The following BRCA2 variants were observed in gnomAD, a reference collection of about 807,000 sequenced individuals.
BRCA2 encodes the protein BRCA2 DNA repair associated.
In BRCA2, 203 loss-of-function variants were observed where a neutral mutation model predicts 276.7. The ratio of observed to expected loss-of-function variants is 0.73; its 90% CI spans 0.65 to 0.82. The LOEUF (loss-of-function observed/expected upper bound fraction) is 0.82. BRCA2 is among the 40% of genes least tolerant of loss of function. The pLI is 0.00. For synonymous variants in BRCA2, 1,289 were observed against 1,338.4 expected (o/e 0.96, Z 0.81); for missense variants, 3,920 against 3,915.0 (o/e 1.00, Z -0.03).
rs1017181748 is a variant in BRCA2 at position 32,333,062 on chromosome 13, CTT to C, written c.1586_1587del (p.Phe529Ter). The C allele has an allele frequency of 6.2e-7, 1 of 1,610,052 alleles. No homozygotes were observed. The highest frequency in any genetic ancestry group is 8.5e-7 in the Non-Finnish European group (1 of 1,179,182). ...TTTCAGGTCATATGACTGATCCAAA[CTT>C]TAAAAAAGAAACTGAAGCCTCTGAA... ...SFSGHMTDPN[F>X]KKETEASESG... On this transcript the variant is annotated frameshift_variant, in exon 10 of 27. Transcript: ENST00000380152. LOFTEE classifies it high-confidence loss of function.
At chr13:32,331,070 G>T (rs2072388415) in intron 9 of BRCA2, 40 bp downstream of exon 9, 2 of 1,458,350 alleles carry the variant, frequency 1.4e-6, no homozygotes, top group Non-Finnish European at 1.9e-6. Context: ...TTTTTTTGTT[G>T]TTGTTGTTTT....
chr13:32,339,957 G>T lies in BRCA2; in HGVS notation c.5602G>T (p.Asp1868Tyr), dbSNP rs80358781. 6.2e-7 allele frequency: 1 copy of T among 1,609,578 alleles called. No homozygotes were observed. The highest frequency in any genetic ancestry group is 8.5e-7 in the Non-Finnish European group (1 of 1,178,158). ...TAAAAAAGTGAAAGACATATTTACA[G>T]ACAGTTTCAGTAAAGTAATTAAGGA... ...TIKKVKDIFT[D>Y]SFSKVIKENN... Residue 1868 changes from aspartate to tyrosine, a missense_variant, in exon 11 of 27, where the codon GAC becomes TAC. Asp to Tyr is a radical substitution (Grantham distance 160). Coordinates refer to ENST00000380152, the MANE Select transcript of BRCA2 (RefSeq NM_000059.4).
At chr13:32,325,731 G>A (rs2072340442) in intron 4 of BRCA2, among the ~76,000 whole-genome samples, 2 of 151,828 alleles carry the variant, frequency 1.3e-5, no homozygotes, top group African/African-American at 4.8e-5. Context: ...TAGTAGAGAC[G>A]GGGTTTCACC....
intron 17 of BRCA2, 105 bp downstream of exon 17, chr13:32,362,798 G>C (rs574620231): frequency 1.1e-5 from 14 of 1,283,030 alleles, no homozygotes; most frequent in East Asian, 2.4e-5. Context: ...CCAGTTGTCA[G>C]TGACAGTTGC....
At chr13:32,386,948 T>A (rs541527401) in intron 24 of BRCA2, among the ~76,000 whole-genome samples, 49 of 152,360 alleles carry the variant, frequency 3.2e-4, no homozygotes, top group African/African-American at 1.2e-3. Flanking sequence ...GGTTAATTCC[T>A]TCTGAGGCTG....
intron 18 of BRCA2, among the ~76,000 whole-genome samples, chr13:32,369,007 A>G (rs949272098): frequency 6.3e-4 from 95 of 151,640 alleles, no homozygotes; most frequent in Admixed American, 6.0e-3. Flanking sequence ...ACGGGGTTTC[A>G]CCATCTTGGC....
chr13:32,316,618 G>T, intron 2 of BRCA2, 91 bp downstream of exon 2: 1 of 1,104,022 alleles, frequency 9.1e-7, no homozygotes, highest in Non-Finnish European at 1.4e-6. Context: ...TCACAGTGTT[G>T]CTTAGAACCA....
chr13:32,355,408 T>C (rs2072686455), intron 14 of BRCA2, 120 bp downstream of exon 14: 2 of 1,130,372 alleles, frequency 1.8e-6, no homozygotes, highest in Admixed American at 4.9e-5. Context: ...CTTTTTAATG[T>C]TTTAGATTTT....
Position 32,331,031 on chromosome 13 carries a change from G to A in BRCA2, c.793+1G>A, listed in dbSNP as rs81002846. On this transcript the variant is annotated splice_donor_variant, in intron 9 of 26. Coordinates refer to ENST00000380152, the MANE Select transcript of BRCA2 (RefSeq NM_000059.4). LOFTEE classifies it high-confidence loss of function. ...AATCAAAGAGAAGCTGCAAGTCATGGTAAGTCCTCTGTTTAGTTGAACTAC... is the reference window on the plus strand; with the variant it reads ...AATCAAAGAGAAGCTGCAAGTCATGATAAGTCCTCTGTTTAGTTGAACTAC... 2 of 1,599,576 alleles carry A rather than the reference G, an allele frequency of 1.3e-6. No homozygotes were observed. The highest frequency in any genetic ancestry group is 1.3e-5 in the African/African-American group (1 of 74,540).
intron 6 of BRCA2, 31 bp from the exon 7 acceptor site, chr13:32,326,468 A>T (rs772629465): frequency 6.5e-7 from 1 of 1,532,880 alleles, no homozygotes; most frequent in Non-Finnish European, 9.0e-7. Context: ...GGGCATTTCT[A>T]TAAAAAATAA....
At position 32,337,787 on chromosome 13, in the gene BRCA2, G is replaced by C. The variant is rs775407297; in HGVS notation, c.3432G>C (p.Val1144=). The C allele has an allele frequency of 6.2e-7, 1 of 1,614,024 alleles. No individual in the cohort carries two copies. The highest frequency in any genetic ancestry group is 1.1e-5 in the South Asian group (1 of 91,082). Residue 1144 remains valine (V), a synonymous_variant, in exon 11 of 27, where the codon GTG becomes GTC. Coordinates refer to ENST00000380152, the MANE Select transcript of BRCA2 (RefSeq NM_000059.4). ...SYILQKSTFE[V]PENQMTILKT... is the part of the protein sequence containing the mutation. ...TATTGCAGAAGAGTACATTTGAAGT[G>C]CCTGAAAACCAGATGACTATCTTAA... is the stretch of plus-strand genomic sequence containing the variant.
Position 32,316,515 on chromosome 13 carries a change from T to A in BRCA2, c.55T>A (p.Cys19Ser), listed in dbSNP as rs2072262127. 6.2e-7 allele frequency: 1 copy of A among 1,613,896 alleles called. No homozygotes were observed. Among genetic ancestry groups the A allele is most frequent in the Non-Finnish European group, 8.5e-7 (1 of 1,179,796 alleles). The change falls in exon 2 of 27, where the codon TGC becomes AGC. Residue 19 changes from cysteine (C) to serine (S), a missense_variant. This residue lies in a region of BRCA2 where 3,263 missense variants were observed against 3,156.9 expected (regional missense o/e 1.03). Transcript: ENST00000380152. ...ATTTTTTGAAATTTTTAAGACACGCTGCAACAAAGCAGGTATTGACAAATT... is the reference window on the plus strand; with the variant it reads ...ATTTTTTGAAATTTTTAAGACACGCAGCAACAAAGCAGGTATTGACAAATT... ...PTFFEIFKTRCNKADLGPISL... is the reference protein window; with the variant it reads ...PTFFEIFKTRSNKADLGPISL...
At chr13:32,364,037 C>G (rs537791655) in intron 18 of BRCA2, among the ~76,000 whole-genome samples, 39 of 152,188 alleles carry the variant, frequency 2.6e-4, no homozygotes, top group African/African-American at 8.9e-4. Flanking sequence ...AGAGAATTTA[C>G]TTCTGTGGTA....
rs745685382 is a variant in BRCA2, at chr13:32,398,468, TCTC to T, written c.9959_9961del (p.Pro3320del). ...ACCCATAAAGAAAAAAGAACTGAAT[TCTC>T]CTCAGATGACTCCATTTAAAAAATT... On this transcript the variant is annotated inframe_deletion, in exon 27 of 27. Coordinates refer to ENST00000380152, the MANE Select transcript of BRCA2 (RefSeq NM_000059.4). 1.2e-6 allele frequency: 2 copies of T among 1,614,116 alleles called. No individual in the cohort carries two copies. Among genetic ancestry groups the T allele is most frequent in the Non-Finnish European group, 1.7e-6 (2 of 1,180,026 alleles).
At chr13:32,341,878 A>G (rs1317838589) in intron 11 of BRCA2, among the ~76,000 whole-genome samples, 1 of 151,782 alleles carries the variant, frequency 6.6e-6, no homozygotes, top group Non-Finnish European at 1.5e-5. Context: ...AAAAAAAAAA[A>G]AAAAGTTGGT....
chr13:32,384,678 G>T, intron 24 of BRCA2: 1 of 230,504 alleles, frequency 4.3e-6, no homozygotes, highest in South Asian at 8.0e-5. Context: ...AAATGCTGAT[G>T]ATCATCAGGT....
intron 13 of BRCA2, among the ~76,000 whole-genome samples, chr13:32,351,521 A>T (rs1025034108): frequency 6.6e-6 from 1 of 152,228 alleles, no homozygotes; most frequent in Non-Finnish European, 1.5e-5. Flanking sequence ...GAAGGAACCA[A>T]TTCCGGACAC....
rs80358927 is a variant in BRCA2 at position 32,354,863 on chromosome 13, C to T, written c.7010C>T (p.Thr2337Ile). ...LEPITCVPFR[T>I]TKERQEIQNP... The stretch of plus-strand genomic sequence containing the variant: ...TATATATTTTCTCCCCATTGCAGCA[C>T]AACTAAGGAACGTCAAGAGATACAG... The change falls in exon 14 of 27, where the codon ACA (threonine) becomes ATA (isoleucine). Residue 2337 changes from threonine (T) to isoleucine (I), a missense_variant and splice_region_variant. Physicochemically the swap from Thr to Ile is moderately conservative, Grantham distance 89. Coordinates refer to ENST00000380152, the MANE Select transcript of BRCA2 (RefSeq NM_000059.4). 6.4e-5 allele frequency: 100 copies of T among 1,567,928 alleles called. No homozygotes were observed. The highest frequency in any genetic ancestry group is 8.8e-5 in the Non-Finnish European group (100 of 1,138,224).
In BRCA2 at chr13:32,325,188, T is replaced by C. The variant is rs757612558; in HGVS notation, c.425+4T>C. ...TAAATTCTTGTCTTAGTGAAAGGTA[T>C]GATGAAGCTATTATATTAAAATATT... On this transcript the variant is annotated splice_donor_region_variant and intron_variant, in intron 4 of 26. Coordinates refer to ENST00000380152, the MANE Select transcript of BRCA2 (RefSeq NM_000059.4). The C allele has an allele frequency of 2.0e-6, 3 of 1,522,898 alleles. No individual in the cohort carries two copies. The highest frequency in any genetic ancestry group is 2.7e-6 in the Non-Finnish European group (3 of 1,098,770). 94.3% of individuals were successfully genotyped at this position (1,522,898 alleles called of 1,614,324 possible).
Sources: allele counts gnomAD v4.1 joint callset (sites outside exome capture counted in the v4.1 genomes callset), GRCh38; gene constraint gnomAD v4.1.1; regional missense constraint gnomAD v4.1.1; transcripts MANE v1.5; gene names NCBI Gene and HGNC (gene_info 2026-07-23, HGNC 2026-07-21).